MYT1L: variants seen among roughly 807,000 people sequenced by gnomAD.
MYT1L encodes the protein myelin transcription factor 1 like.
In MYT1L, 12 loss-of-function variants were observed where a neutral mutation model predicts 126.7. That is an observed-to-expected ratio of 0.09 (90% confidence interval 0.06 to 0.15). The LOEUF (loss-of-function observed/expected upper bound fraction) is 0.15. Ranked by LOEUF, MYT1L falls within the 10% of genes least tolerant of loss-of-function variation. The probability of loss-of-function intolerance (pLI) is 1.00; values close to 1 mark genes in which losing one functional copy is unlikely to be tolerated. For synonymous variants in MYT1L, 541 were observed against 604.2 expected (o/e 0.90, Z 1.53); for missense variants, 979 against 1,585.2 (o/e 0.62, Z 6.49).
In MYT1L at chr2:1,889,770, C is replaced by A. The variant is rs1172765358; in HGVS notation, c.2284-293G>T. ...TTTATCTACTGTCTATCCTCTCTCT[C>A]TCCTTCCTTTTTGTCCTATTGTATC... On this transcript the variant is annotated intron_variant, in intron 15 of 24. Transcript: ENST00000647738. This position sits in a 1 kb window ranked among gnomAD's most constrained non-coding sequence, Gnocchi z 4.1. Among the ~76,000 whole-genome samples, 1 of 152,138 alleles carries A rather than the reference C, an allele frequency of 6.6e-6. No homozygotes were observed. Among genetic ancestry groups the A allele is most frequent in the Non-Finnish European group, 1.5e-5 (1 of 68,032 alleles).
chr2:2,096,764 C>T lies in MYT1L; in HGVS notation c.-303-42641G>A, dbSNP rs1222855112. ...CTGAGGATGGACTGTGTGCCAGGCA[C>T]TCTGAGAATACCGAGGCCACGCTCC... On this transcript the variant is annotated intron_variant, in intron 3 of 24. Transcript: ENST00000647738. Among the ~76,000 whole-genome samples the T allele has an allele frequency of 2.0e-5, 3 of 152,178 alleles. No individual in the cohort carries two copies. The East Asian group carries it at 5.8e-4, about 29-fold the overall frequency.
intron 1 of MYT1L, among the ~76,000 whole-genome samples, chr2:2,303,001 C>T (rs190816571): frequency 2.0e-5 from 3 of 152,122 alleles, no homozygotes; most frequent in African/African-American, 4.8e-5. Context: ...CTTACATTTA[C>T]TCATCATCTA....
intron 3 of MYT1L, among the ~76,000 whole-genome samples, chr2:2,156,053 G>A (rs2086673910): frequency 6.6e-6 from 1 of 152,222 alleles, no homozygotes; most frequent in South Asian, 2.1e-4. Context: ...AGACAGGTAT[G>A]TAGGTGGATA....
chr2:2,091,132 A>G (rs1295647720), intron 3 of MYT1L, among the ~76,000 whole-genome samples: 1 of 152,168 alleles, frequency 6.6e-6, no homozygotes, highest in Non-Finnish European at 1.5e-5. Flanking sequence ...CTTTCCAGAA[A>G]GTTTTCAATT....
chr2:1,851,511 AAG>A, intron 19 of MYT1L, 128 bp downstream of exon 19: 1 of 831,838 alleles, frequency 1.2e-6, no homozygotes, highest in Admixed American at 2.3e-5. Flanking sequence ...TTATGGCGCT[AAG>A]AGTCTCTAGA....
At chr2:1,824,279 C>T (rs1024683736) in intron 21 of MYT1L, 1 of 152,238 alleles carries the variant, frequency 6.6e-6, no homozygotes, top group Non-Finnish European at 1.5e-5. Flanking sequence ...TTGGTATTTT[C>T]TCCACGTCTC....
rs1035573703 is a variant in MYT1L, at chr2:2,022,452, A to G, written c.-157-25105T>C. ...AGCATTAATTTTAGGTATTTTTTTT[A>G]AACAAAAGGATACACAAATTCTACC... On this transcript the variant is annotated intron_variant, in intron 4 of 24. Transcript: ENST00000647738. 6.6e-5 allele frequency among the ~76,000 whole-genome samples: 10 copies of G among 152,228 alleles called. No homozygotes were observed. The East Asian group carries it at 1.9e-3, about 29-fold the overall frequency.
intron 2 of MYT1L, among the ~76,000 whole-genome samples, chr2:2,180,528 CTGTG>C (rs766250921): frequency 6.6e-6 from 1 of 151,994 alleles, no homozygotes; most frequent in Non-Finnish European, 1.5e-5. Flanking sequence ...GTGTGTGTAC[CTGTG>C]TGTGCACCTG....
At chr2:1,946,185 A>G (rs2057203344) in intron 8 of MYT1L, among the ~76,000 whole-genome samples, 1 of 151,810 alleles carries the variant, frequency 6.6e-6, no homozygotes, top group Non-Finnish European at 1.5e-5. Context: ...TCCTTATGAG[A>G]ATCTAATGCC....
chr2:1,898,640 C>T (rs935701431), intron 14 of MYT1L, among the ~76,000 whole-genome samples: 4 of 152,176 alleles, frequency 2.6e-5, no homozygotes, highest in South Asian at 4.1e-4. Context: ...GCAGGTGGTA[C>T]CCAAGAGGTG....
chr2:1,914,626 T>C (rs1459622581), intron 11 of MYT1L, among the ~76,000 whole-genome samples: 1 of 152,162 alleles, frequency 6.6e-6, no homozygotes, highest in East Asian at 1.9e-4. Context: ...GTGGGAAGAA[T>C]ACAAGTCCCG....
chr2:2,176,674 G>A (rs1310026082), intron 2 of MYT1L, among the ~76,000 whole-genome samples: 1 of 151,858 alleles, frequency 6.6e-6, no homozygotes, highest in Non-Finnish European at 1.5e-5. Context: ...AATTTTTATA[G>A]TTTTAGTAGA....
At chr2:2,213,340 G>A (rs1572515417) in intron 2 of MYT1L, among the ~76,000 whole-genome samples, 1 of 152,284 alleles carries the variant, frequency 6.6e-6, no homozygotes, top group African/African-American at 2.4e-5. Context: ...AGTGTCCAGG[G>A]AGACCAATAT....
chr2:1,865,092 G>C (rs909320098), intron 18 of MYT1L, among the ~76,000 whole-genome samples: 38 of 152,190 alleles, frequency 2.5e-4, no homozygotes, highest in African/African-American at 9.2e-4. Context: ...GCCCGTGTGG[G>C]TGTCAGCGTG....
At chr2:1,892,351 G>A (rs891251967) in intron 14 of MYT1L, 64 bp from the exon 15 acceptor site, 10 of 1,508,232 alleles carry the variant, frequency 6.6e-6, no homozygotes, top group Admixed American at 2.0e-5. Flanking sequence ...GACAGCACAC[G>A]GCAGGGCCTG....
At chr2:2,193,399 G>T (rs1265489069) in intron 2 of MYT1L, among the ~76,000 whole-genome samples, 1 of 152,190 alleles carries the variant, frequency 6.6e-6, no homozygotes, top group African/African-American at 2.4e-5. Flanking sequence ...ATGCTTAAGT[G>T]CTTGAAAACA....
At chr2:2,163,588 G>C (rs573784353) in intron 3 of MYT1L, among the ~76,000 whole-genome samples, 2 of 151,610 alleles carry the variant, frequency 1.3e-5, no homozygotes, top group East Asian at 3.9e-4. Context: ...AAAAATTAGC[G>C]GGGTGCGGTG....
intron 2 of MYT1L, among the ~76,000 whole-genome samples, chr2:2,182,172 C>T (rs2091610432): frequency 6.6e-6 from 1 of 151,758 alleles, no homozygotes; most frequent in Non-Finnish European, 1.5e-5. Context: ...GCACGCCCCA[C>T]TCTGACCGCA....
intron 14 of MYT1L, among the ~76,000 whole-genome samples, chr2:1,901,529 AAT>A (rs1447817734): frequency 2.0e-5 from 3 of 152,250 alleles, no homozygotes; most frequent in Non-Finnish European, 4.4e-5. Flanking sequence ...GTTTCTGACC[AAT>A]ATATGATACC....
Sources: allele counts gnomAD v4.1 joint callset (sites outside exome capture counted in the v4.1 genomes callset), GRCh38; gene constraint gnomAD v4.1.1; non-coding constraint Gnocchi (gnomAD v3.1); transcripts MANE v1.5; gene names NCBI Gene and HGNC (gene_info 2026-07-23, HGNC 2026-07-21).